TRPM6: variants seen among roughly 807,000 people sequenced by gnomAD.
The protein encoded by TRPM6 is channel kinase 2.
Under a neutral mutation model 247.6 loss-of-function variants are expected in TRPM6, and 111 were observed. That is an observed-to-expected ratio of 0.45 (90% CI 0.38 to 0.52). The LOEUF (loss-of-function observed/expected upper bound fraction) is 0.52, where lower values mean the gene tolerates loss of function less well. Among genes scored for constraint, TRPM6 ranks in the 20% least tolerant of loss-of-function variants. The probability of loss-of-function intolerance (pLI) is 0.00; values close to 1 mark genes in which losing one functional copy is unlikely to be tolerated. For synonymous variants in TRPM6, 892 were observed against 853.8 expected (o/e 1.04, Z -0.78); for missense variants, 2,126 against 2,421.5 (o/e 0.88, Z 2.56).
At chr9:74,798,799 C>CT (rs1477137969) in intron 17 of TRPM6, among the ~76,000 whole-genome samples, 1 of 152,128 alleles carries the variant, frequency 6.6e-6, no homozygotes, top group East Asian at 1.9e-4. Flanking sequence ...CTAACTCAGC[C>CT]TTTTTTATTA....
chr9:74,806,247 A>C (rs143327798), intron 14 of TRPM6, among the ~76,000 whole-genome samples: 247 of 150,182 alleles, frequency 1.6e-3, no homozygotes, highest in African/African-American at 5.7e-3. Flanking sequence ...ACAACTGAGA[A>C]AAAAAAACCA....
intron 12 of TRPM6, among the ~76,000 whole-genome samples, chr9:74,812,051 G>A (rs1423782172): frequency 6.6e-6 from 1 of 152,172 alleles, no homozygotes; most frequent in East Asian, 1.9e-4. Context: ...CCATTTTGGT[G>A]CCTTCATGTC....
chr9:74,724,886 C>G, intron 38 of TRPM6, 140 bp from the exon 39 acceptor site: 1 of 1,106,892 alleles, frequency 9.0e-7, no homozygotes, highest in Non-Finnish European at 1.3e-6. Flanking sequence ...AACTCAAACC[C>G]TCAACCATGT....
intron 25 of TRPM6, among the ~76,000 whole-genome samples, chr9:74,769,793 A>AAGGG (rs771547331): frequency 2.4e-5 from 3 of 125,868 alleles, no homozygotes; most frequent in East Asian, 2.1e-4. Context: ...GGACGGAAGG[A>AAGGG]AGGGAGGGAG....
At chr9:74,792,445 C>T (rs1321396385) in intron 19 of TRPM6, among the ~76,000 whole-genome samples, 179 bp downstream of exon 19, 1 of 152,192 alleles carries the variant, frequency 6.6e-6, no homozygotes, top group African/African-American at 2.4e-5. Flanking sequence ...GTGAGCTCCA[C>T]CCTAACTTCT....
chr9:74,750,573 C>G, intron 30 of TRPM6, 91 bp downstream of exon 30: 2 of 1,097,792 alleles, frequency 1.8e-6, no homozygotes, highest in East Asian at 4.7e-5. Flanking sequence ...TCTTTTCTCT[C>G]CCTTTCTGAC....
chr9:74,728,215 A>G (rs1380384516), intron 38 of TRPM6, 24 bp downstream of exon 38: 1 of 1,543,362 alleles, frequency 6.5e-7, no homozygotes, highest in African/African-American at 1.4e-5. Context: ...TTACTTAGAG[A>G]AAAAAGAACT....
chr9:74,813,505 G>C lies in TRPM6; in HGVS notation c.1309-1072C>G, dbSNP rs568328545. On this transcript the variant is annotated intron_variant, in intron 11 of 38. Transcript: ENST00000360774. ...AACAAGGCTTACACCTTCCAGTCAG[G>C]GAACTAGAGGATTCTTTTCTGATAA... Among the ~76,000 whole-genome samples, 3 of 152,290 alleles carry C rather than the reference G, an allele frequency of 2.0e-5. No homozygotes were observed. In the South Asian group the frequency reaches 6.2e-4, roughly 32 times the overall value.
intron 11 of TRPM6, among the ~76,000 whole-genome samples, 191 bp downstream of exon 11, chr9:74,816,478 A>C (rs12552749): frequency 2.0e-5 from 3 of 150,454 alleles, no homozygotes; most frequent in African/African-American, 4.9e-5. Flanking sequence ...AAAAAAAAAA[A>C]AAAAAAAAAA....
intron 18 of TRPM6, among the ~76,000 whole-genome samples, chr9:74,794,027 G>T (rs1343345546): frequency 1.3e-5 from 2 of 151,500 alleles, no homozygotes; most frequent in Non-Finnish European, 2.9e-5. Context: ...AGGAAAAGAA[G>T]AGACAAGACA....
chr9:74,780,799 G>A (rs1827411484), intron 23 of TRPM6, among the ~76,000 whole-genome samples: 1 of 152,134 alleles, frequency 6.6e-6, no homozygotes, highest in African/African-American at 2.4e-5. Context: ...ATGACTCCAT[G>A]TACAGAATCA....
intron 5 of TRPM6, among the ~76,000 whole-genome samples, chr9:74,836,212 G>A (rs1204790228): frequency 1.3e-5 from 2 of 152,220 alleles, no homozygotes; most frequent in African/African-American, 4.8e-5. Context: ...TACTATAGTT[G>A]GAATCATACA....
chr9:74,856,047 G>C (rs958212534), intron 2 of TRPM6, among the ~76,000 whole-genome samples: 1 of 152,024 alleles, frequency 6.6e-6, no homozygotes, highest in Non-Finnish European at 1.5e-5. Flanking sequence ...TATCAAATAA[G>C]GGACATTTGG....
chr9:74,879,402 T>A (rs1831290534), intron 1 of TRPM6, among the ~76,000 whole-genome samples: 2 of 151,774 alleles, frequency 1.3e-5, no homozygotes, highest in Non-Finnish European at 2.9e-5. Context: ...ATATATAGGG[T>A]TTTACCCATG....
Position 74,801,951 on chromosome 9 carries a change from A to G in TRPM6, c.1956T>C (p.Ala652=). 6.2e-7 allele frequency: 1 copy of G among 1,614,256 alleles called. No individual in the cohort carries two copies. Among genetic ancestry groups the G allele is most frequent in the South Asian group, 1.1e-5 (1 of 91,088 alleles). ...CATCATCCACCATGTGACTCTCCTTAGCTTCATGGGCCATTGCCCGGTAGA... is the reference window on the plus strand; with the variant it reads ...CATCATCCACCATGTGACTCTCCTTGGCTTCATGGGCCATTGCCCGGTAGA... ...CILYRAMAHE[A]KESHMVDDAS... The change falls in exon 16 of 39, where the codon GCT becomes GCC. Residue 652 remains alanine (A), a synonymous_variant. Coordinates refer to ENST00000360774, the MANE Select transcript of TRPM6 (RefSeq NM_017662.5).
In TRPM6 at chr9:74,833,978, T is replaced by C. The variant is rs371837275; in HGVS notation, c.669+20A>G. On this transcript the variant is annotated intron_variant, in intron 6 of 38. Transcript: ENST00000360774. ...CACACGTGTTCGTTTGCTTTTGTTATGAAAGGATTGTCTACTTACATCTTT... is the reference window on the plus strand; with the variant it reads ...CACACGTGTTCGTTTGCTTTTGTTACGAAAGGATTGTCTACTTACATCTTT... 7 of 1,613,722 alleles carry C rather than the reference T, an allele frequency of 4.3e-6. No homozygotes were observed. Among genetic ancestry groups the C allele is most frequent in the Non-Finnish European group, 5.9e-6 (7 of 1,179,710 alleles).
chr9:74,818,293 C>CTTTTTTTTTTTTTTTTTT (rs1161401022), intron 9 of TRPM6, among the ~76,000 whole-genome samples: 2 of 72,006 alleles, frequency 2.8e-5, no homozygotes, highest in African/African-American at 1.2e-4. Flanking sequence ...TCTATCATTT[C>CTTTTTTTTTTTTTTTTTT]TTTTTTTTTT....
At chr9:74,846,400 G>T (rs1256270452) in intron 3 of TRPM6, among the ~76,000 whole-genome samples, 2 of 151,874 alleles carry the variant, frequency 1.3e-5, no homozygotes, top group African/African-American at 4.8e-5. Context: ...TTATTTTAAA[G>T]TTCTTGCTAT....
intron 32 of TRPM6, among the ~76,000 whole-genome samples, chr9:74,743,173 C>G (rs1224829591): frequency 6.6e-6 from 1 of 152,192 alleles, no homozygotes; most frequent in Non-Finnish European, 1.5e-5. Flanking sequence ...AAGTTGACAG[C>G]TGGAGTCAAA....
Sources: gnomAD v4.1 joint callset for allele counts (sites outside exome capture counted in the v4.1 genomes callset) on GRCh38, gnomAD v4.1.1 for gene constraint, MANE v1.5 for transcripts, NCBI Gene and HGNC (gene_info 2026-07-23, HGNC 2026-07-21) for gene names.